Variants in INSC observed in about 807,000 individuals in gnomAD.
INSC encodes protein inscuteable homolog.
In INSC, 67 loss-of-function variants were observed where a neutral mutation model predicts 58.6. The observed-to-expected ratio is 1.14, with a 90% CI of 0.94 to 1.40. INSC has a LOEUF of 1.40. Among genes scored for constraint, INSC ranks in the 40% most tolerant of loss-of-function variants. The probability of loss-of-function intolerance (pLI) is 0.00; values close to 1 mark genes in which losing one functional copy is unlikely to be tolerated. For missense variants in INSC, 714 were observed against 692.0 expected, an observed-to-expected ratio of 1.03 and a Z score of -0.36; for synonymous variants, 262 against 276.1, an observed-to-expected ratio of 0.95 and a Z score of 0.51.
the INSC span, among the ~76,000 whole-genome samples, chr11:15,268,414 T>C: frequency 6.6e-6 from 1 of 152,084 alleles, no homozygotes; most frequent in African/African-American, 2.4e-5. Flanking sequence ...GTGATGACTA[T>C]GAAATAGACT....
chr11:15,219,609 A>G (rs1387153966), intron 7 of INSC, among the ~76,000 whole-genome samples: 1 of 152,172 alleles, frequency 6.6e-6, no homozygotes, highest in African/African-American at 2.4e-5. Context: ...AGATTGGCCT[A>G]TCTCCAAGCA....
At chr11:15,265,941 C>T in the INSC span, among the ~76,000 whole-genome samples, 3 of 150,736 alleles carry the variant, frequency 2.0e-5, no homozygotes, top group South Asian at 2.1e-4. Flanking sequence ...TCCTTTGCCT[C>T]AGTGAAATTT....
In INSC at chr11:15,168,995, G is replaced by C. The variant is rs547792646; in HGVS notation, c.57-6746G>C. Among the ~76,000 whole-genome samples, 23 of 152,328 alleles carry C rather than the reference G, an allele frequency of 1.5e-4. No individual in the cohort carries two copies. The South Asian group carries it at 4.3e-3, about 29-fold the overall frequency. On this transcript the variant is annotated intron_variant, in intron 2 of 12. Coordinates refer to ENST00000379556, the MANE Select transcript of INSC (RefSeq NM_001042536.3). ...GCTTGCCTAAGGTCACACAGATTAT[G>C]AGAAGCAGAGCTAGCTCTTCCTACC...
At chr11:15,111,522 C>T (rs1847576968), upstream of INSC, among the ~76,000 whole-genome samples, 1 of 152,160 alleles carries the variant, frequency 6.6e-6, no homozygotes, top group Non-Finnish European at 1.5e-5. Context: ...CCTGATACAG[C>T]TCTGGACCAG....
At chr11:15,257,916 T>C in the INSC span, among the ~76,000 whole-genome samples, 2 of 152,174 alleles carry the variant, frequency 1.3e-5, no homozygotes, top group African/African-American at 2.4e-5. Flanking sequence ...TTATGGTACT[T>C]AGCTATGGCA....
At chr11:15,120,924 C>T (rs565892314) in intron 1 of INSC, among the ~76,000 whole-genome samples, 147 of 150,804 alleles carry the variant, frequency 9.7e-4, no homozygotes, top group South Asian at 1.7e-3. Context: ...CATGATCTTC[C>T]ATTTACTTTA....
intron 6 of INSC, among the ~76,000 whole-genome samples, chr11:15,199,430 C>G (rs1403901992): frequency 1.3e-5 from 2 of 152,170 alleles, no homozygotes; most frequent in Admixed American, 6.5e-5. Context: ...ATGAGCCTAT[C>G]ATTTTGGGGT....
chr11:15,268,657 T>C, the INSC span, among the ~76,000 whole-genome samples: 1 of 152,074 alleles, frequency 6.6e-6, no homozygotes, highest in Non-Finnish European at 1.5e-5. Flanking sequence ...TGAGAAAGAA[T>C]TTGCTATGGC....
rs1213896349 is a variant in INSC, at chr11:15,229,954, ATAT to A, written c.1170+4127_1170+4129del. Among the ~76,000 whole-genome samples the A allele has an allele frequency of 4.6e-4, 3 of 6,522 alleles. 1 individual carries two copies. Among genetic ancestry groups the A allele is most frequent in the African/African-American group, 2.1e-3 (3 of 1,422 alleles). 4.3% of individuals were successfully genotyped at this position (6,522 alleles called of 152,430 possible). On this transcript the variant is annotated intron_variant, in intron 9 of 12. Transcript: ENST00000379556. Reference sequence around the variant, plus strand: ...ATATTATATATATATAATATTATATATATATTTATATATATATATATATATTAT... The same window carrying A: ...ATATTATATATATATAATATTATATAATTTATATATATATATATATATTAT...
intron 2 of INSC, among the ~76,000 whole-genome samples, chr11:15,159,086 G>A (rs1415653981): frequency 6.6e-6 from 1 of 152,136 alleles, no homozygotes; most frequent in South Asian, 2.1e-4. Context: ...CTGGGGGCCC[G>A]TTTGGAGGGC....
At chr11:15,126,279 T>G (rs545184742) in intron 1 of INSC, among the ~76,000 whole-genome samples, 125 of 151,984 alleles carry the variant, frequency 8.2e-4, no homozygotes, top group African/African-American at 2.9e-3. Context: ...AGGCTAGGAG[T>G]ACTTCTGGGG....
In INSC at chr11:15,221,470, T is replaced by A. The variant is rs1381679105; in HGVS notation, c.820-7T>A. The A allele has an allele frequency of 3.7e-6, 6 of 1,602,240 alleles. No homozygotes were observed. Among genetic ancestry groups the A allele is most frequent in the Admixed American group, 1.7e-5 (1 of 59,302 alleles). ...TGCACAGGGGAGCTCCCTCTCTCCATCTGCAGGTGGATGGCGTTCTGTGCT... is the reference window on the plus strand; with the variant it reads ...TGCACAGGGGAGCTCCCTCTCTCCAACTGCAGGTGGATGGCGTTCTGTGCT... On this transcript the variant is annotated splice_polypyrimidine_tract_variant and splice_region_variant and intron_variant, in intron 7 of 12. Transcript: ENST00000379556.
At chr11:15,209,723 C>G (rs1172817223) in intron 7 of INSC, among the ~76,000 whole-genome samples, 1 of 152,162 alleles carries the variant, frequency 6.6e-6, no homozygotes, top group African/African-American at 2.4e-5. Context: ...GTTCGTTCTT[C>G]CTCATTGCAG....
chr11:15,123,136 A>G (rs551555357), intron 1 of INSC, among the ~76,000 whole-genome samples: 1 of 152,018 alleles, frequency 6.6e-6, no homozygotes, highest in Admixed American at 6.6e-5. Flanking sequence ...TCCTGACTCC[A>G]CCTACCGAAT....
intron 7 of INSC, among the ~76,000 whole-genome samples, chr11:15,215,933 G>C (rs1216634508): frequency 6.6e-6 from 1 of 152,174 alleles, no homozygotes; most frequent in African/African-American, 2.4e-5. Flanking sequence ...AGCTTTAAGT[G>C]AATTGGGGTT....
At chr11:15,248,454 T>C (rs1852615287), downstream of INSC, among the ~76,000 whole-genome samples, 1 of 152,214 alleles carries the variant, frequency 6.6e-6, no homozygotes, top group Non-Finnish European at 1.5e-5. Context: ...ACAGAGCTCC[T>C]GAATGTGTCT....
the INSC span, among the ~76,000 whole-genome samples, chr11:15,252,932 C>A: frequency 6.6e-6 from 1 of 152,042 alleles, no homozygotes; most frequent in African/African-American, 2.4e-5. Flanking sequence ...CTCTCAGGTC[C>A]CAACCACCAT....
Position 15,128,973 on chromosome 11 carries a change from C to T in INSC, c.-46+13970C>T, listed in dbSNP as rs540925229. On this transcript the variant is annotated intron_variant, in intron 1 of 12. Coordinates refer to ENST00000379556, the MANE Select transcript of INSC (RefSeq NM_001042536.3). ...GAGCTAGGCTGGCTCTTTCTGGCTGCAGAAAGGGGCTTTTAAAGTAACCCT... is the reference window on the plus strand; with the variant it reads ...GAGCTAGGCTGGCTCTTTCTGGCTGTAGAAAGGGGCTTTTAAAGTAACCCT... Among the ~76,000 whole-genome samples, 3 of 152,294 alleles carry T rather than the reference C, an allele frequency of 2.0e-5. No homozygotes were observed. The East Asian group carries it at 5.8e-4, about 29-fold the overall frequency.
intron 2 of INSC, among the ~76,000 whole-genome samples, chr11:15,166,409 A>T (rs1219400374): frequency 6.6e-6 from 1 of 152,194 alleles, no homozygotes; most frequent in African/African-American, 2.4e-5. Context: ...AATCTTTATT[A>T]TCATACTTTT....
Sources: gnomAD v4.1 joint callset for allele counts (sites outside exome capture counted in the v4.1 genomes callset) on GRCh38, gnomAD v4.1.1 for gene constraint, MANE v1.5 for transcripts, NCBI Gene and HGNC (gene_info 2026-07-23, HGNC 2026-07-21) for gene names.